TBCEL: variants seen among roughly 807,000 people sequenced by gnomAD.
TBCEL encodes the protein tubulin-specific chaperone cofactor E-like protein.
Under a neutral mutation model 44.2 loss-of-function variants are expected in TBCEL, and 15 were observed. That is an observed-to-expected ratio of 0.34 (90% CI 0.23 to 0.52). The LOEUF (loss-of-function observed/expected upper bound fraction) is 0.52, where lower values mean the gene tolerates loss of function less well. Among genes scored for constraint, TBCEL ranks in the 20% least tolerant of loss-of-function variants. The pLI is 0.95. For missense variants in TBCEL, 319 were observed against 506.3 expected, an observed-to-expected ratio of 0.63 and a Z score of 3.55; for synonymous variants, 171 against 185.4, an observed-to-expected ratio of 0.92 and a Z score of 0.63.
At chr11:121,080,017 A>G (rs1027328479) in intron 8 of TBCEL, among the ~76,000 whole-genome samples, 2 of 151,930 alleles carry the variant, frequency 1.3e-5, no homozygotes, top group Admixed American at 1.3e-4. Context: ...GGGTTTCACC[A>G]TGTTGGCCAG....
intron 8 of TBCEL, among the ~76,000 whole-genome samples, chr11:121,065,115 T>A (rs1282422399): frequency 6.6e-6 from 1 of 152,174 alleles, no homozygotes; most frequent in Non-Finnish European, 1.5e-5. Flanking sequence ...TGTGAGCCAT[T>A]GCACCCGGCC....
chr11:121,057,616 T>C (rs1423074839), intron 6 of TBCEL: 1 of 454,874 alleles, frequency 2.2e-6, no homozygotes, highest in Non-Finnish European at 4.4e-6. Context: ...GGAAGAAGGG[T>C]AGTTGTGTCT....
intron 8 of TBCEL, among the ~76,000 whole-genome samples, chr11:121,084,065 T>C (rs1031831140): frequency 6.6e-6 from 1 of 152,166 alleles, no homozygotes; most frequent in Admixed American, 6.5e-5. Flanking sequence ...ACGGGTGGAC[T>C]CCCTCTATAA....
intron 2 of TBCEL, among the ~76,000 whole-genome samples, chr11:121,044,419 A>G (rs1360539223): frequency 6.6e-6 from 1 of 152,100 alleles, no homozygotes; most frequent in Non-Finnish European, 1.5e-5. Context: ...GACAATGTCT[A>G]CCATTGCCAG....
chr11:121,042,791 T>G lies in TBCEL; in HGVS notation c.-17-2883T>G, dbSNP rs534916948. Among the ~76,000 whole-genome samples, 17 of 152,278 alleles carry G rather than the reference T, an allele frequency of 1.1e-4. No individual in the cohort carries two copies. The South Asian group carries it at 3.3e-3, about 30-fold the overall frequency. ...ATGAGCCAAGTTTAACAACCACTTT[T>G]ATATTCATACTTTTTTCAAATTCTT... On this transcript the variant is annotated intron_variant, in intron 2 of 8. Transcript: ENST00000683345.
intron 1 of TBCEL, among the ~76,000 whole-genome samples, chr11:121,025,797 T>A (rs1945036399): frequency 6.6e-6 from 1 of 151,952 alleles, no homozygotes; most frequent in Non-Finnish European, 1.5e-5. Flanking sequence ...GGTTTAGATG[T>A]TTATACCACG....
chr11:121,042,485 G>A (rs1443849780), intron 2 of TBCEL, among the ~76,000 whole-genome samples: 1 of 152,096 alleles, frequency 6.6e-6, no homozygotes, highest in Non-Finnish European at 1.5e-5. Context: ...GGAATAGAGG[G>A]CAGCCACTAT....
In TBCEL at chr11:121,045,741, T is replaced by C. The variant is rs1249088004; in HGVS notation, c.51T>C (p.Tyr17=). 24 of 1,611,580 alleles carry C rather than the reference T, an allele frequency of 1.5e-5. No individual in the cohort carries two copies. Among genetic ancestry groups the C allele is most frequent in the Non-Finnish European group, 2.0e-5 (23 of 1,179,138 alleles). ...RSFMQVLCEK[Y]SPENFPYRRG... ...TCATGCAAGTATTATGTGAAAAATA[T>C]AGTCCTGAAAATTTTCCTTATCGCC... is the stretch of plus-strand genomic sequence containing the variant. Residue 17 remains tyrosine (Y), a synonymous_variant, in exon 3 of 9, where the codon TAT becomes TAC. Transcript: ENST00000683345.
chr11:121,062,185 C>A (rs1050934265), intron 8 of TBCEL, among the ~76,000 whole-genome samples: 1 of 151,994 alleles, frequency 6.6e-6, no homozygotes, highest in East Asian at 1.9e-4. Context: ...TCTTTTCTCA[C>A]TAGAAGGTCA....
At chr11:121,040,838 T>C (rs1387402652) in intron 2 of TBCEL, among the ~76,000 whole-genome samples, 2 of 152,184 alleles carry the variant, frequency 1.3e-5, no homozygotes, top group African/African-American at 2.4e-5. Flanking sequence ...AGGGTAAACA[T>C]TGGAAAGCAA....
At position 121,090,629 on chromosome 11, in the gene TBCEL, T is replaced by C. The variant is rs1353541728; in HGVS notation, c.*3533T>C. The C allele has an allele frequency of 6.6e-6, 1 of 151,512 alleles. No homozygotes were observed. The highest frequency in any genetic ancestry group is 2.4e-5 in the African/African-American group (1 of 41,290). The allele number at this position is 151,512 out of a possible 1,614,324, so 9.4% of individuals were successfully genotyped here. A position where few individuals can be genotyped will look rare whatever the true frequency, so the allele number is the denominator to read the frequency against. On this transcript the variant is annotated 3_prime_UTR_variant, in exon 9 of 9. Transcript: ENST00000683345. ...CTCTCTCAGGCTCTTTACTTGCCAGTTGTCTCCCGCAGTTAATGGAAATAT... is the reference window on the plus strand; with the variant it reads ...CTCTCTCAGGCTCTTTACTTGCCAGCTGTCTCCCGCAGTTAATGGAAATAT...
At chr11:121,064,286 TG>T (rs1466831860) in intron 8 of TBCEL, among the ~76,000 whole-genome samples, 9 of 152,236 alleles carry the variant, frequency 5.9e-5, no homozygotes, top group Admixed American at 5.9e-4. Context: ...GTATCACTTT[TG>T]TTCTTCAAGA....
At chr11:121,067,870 A>G (rs927918401) in intron 8 of TBCEL, among the ~76,000 whole-genome samples, 3 of 152,224 alleles carry the variant, frequency 2.0e-5, no homozygotes, top group Non-Finnish European at 4.4e-5. Flanking sequence ...CCTACTAAGG[A>G]CCAAGAGGCA....
At chr11:121,076,450 G>T (rs1024467578) in intron 8 of TBCEL, among the ~76,000 whole-genome samples, 3 of 151,880 alleles carry the variant, frequency 2.0e-5, no homozygotes, top group Non-Finnish European at 2.9e-5. Context: ...AAGTAGTACT[G>T]TTTTAAAATT....
intron 5 of TBCEL, chr11:121,054,786 C>A: frequency 3.5e-6 from 1 of 281,734 alleles, no homozygotes. Context: ...ACAGTCAGTA[C>A]TGCTTAATTT....
At chr11:121,042,230 G>A (rs1945347294) in intron 2 of TBCEL, among the ~76,000 whole-genome samples, 1 of 152,108 alleles carries the variant, frequency 6.6e-6, no homozygotes, top group East Asian at 1.9e-4. Flanking sequence ...ACTGCTGATT[G>A]TATGAAAGAA....
At chr11:121,034,264 G>C (rs1157397092) in intron 1 of TBCEL, among the ~76,000 whole-genome samples, 1 of 152,146 alleles carries the variant, frequency 6.6e-6, no homozygotes, top group Non-Finnish European at 1.5e-5. Flanking sequence ...CTATTGTTCT[G>C]AAGTATGTTA....
chr11:121,071,279 T>TAGG (rs1945926385), intron 8 of TBCEL, among the ~76,000 whole-genome samples: 2 of 152,200 alleles, frequency 1.3e-5, no homozygotes, highest in South Asian at 4.1e-4. Context: ...GTCATCCTCT[T>TAGG]TAATTTTAAA....
intron 6 of TBCEL, among the ~76,000 whole-genome samples, chr11:121,055,859 C>G (rs1945610495): frequency 6.7e-6 from 1 of 148,868 alleles, no homozygotes; most frequent in African/African-American, 2.5e-5. Context: ...TTTCATATAC[C>G]CCTTGTTCCC....
Sources: allele counts gnomAD v4.1 joint callset (sites outside exome capture counted in the v4.1 genomes callset), GRCh38; gene constraint gnomAD v4.1.1; transcripts MANE v1.5; gene names NCBI Gene and HGNC (gene_info 2026-07-23, HGNC 2026-07-21).